The following TMEM266 variants were observed in gnomAD, a reference collection of about 807,000 sequenced individuals.
The protein encoded by TMEM266 is Hv1 related protein 1.
Under a neutral mutation model 50.5 loss-of-function variants are expected in TMEM266, and 33 were observed. The ratio of observed to expected loss-of-function variants is 0.65; its 90% CI spans 0.50 to 0.87. The LOEUF (loss-of-function observed/expected upper bound fraction) is 0.87, where lower values mean the gene tolerates loss of function less well. Ranked by LOEUF, TMEM266 falls within the 40% of genes least tolerant of loss-of-function variation. TMEM266 has a pLI of 0.00. For synonymous variants in TMEM266, 310 were observed against 292.3 expected (o/e 1.06, Z -0.62); for missense variants, 655 against 695.1 (o/e 0.94, Z 0.65).
At chr15:76,145,995 A>C (rs1178547791) in intron 3 of TMEM266, among the ~76,000 whole-genome samples, 1 of 152,256 alleles carries the variant, frequency 6.6e-6, no homozygotes, top group African/African-American at 2.4e-5. Flanking sequence ...TCAGTGAGCC[A>C]ATCATCTATC....
rs371561578 is a variant in TMEM266 at position 76,204,029 on chromosome 15, A to C, written c.1310A>C (p.Glu437Ala). The stretch of plus-strand genomic sequence containing the variant: ...CTGCCATCCCAGCAGCAGGTGGAGG[A>C]GGCCACAGTCCAGGACCTGCTGTCC... The change falls in exon 11 of 11, where the codon GAG (glutamate) becomes GCG (alanine). Residue 437 changes from glutamate (E) to alanine (A), a missense_variant. Physicochemically the swap from Glu to Ala is moderately radical, Grantham distance 107. Around this residue, in one of 3 missense-constraint regions of TMEM266, gnomAD observed 455 missense variants for 401.8 expected, o/e 1.13. Coordinates refer to ENST00000388942, the MANE Select transcript of TMEM266 (RefSeq NM_152335.3). 157 of 1,609,820 alleles carry C rather than the reference A, an allele frequency of 9.8e-5. No homozygotes were observed. The highest frequency in any genetic ancestry group is 1.3e-4 in the Non-Finnish European group (150 of 1,177,142).
chr15:76,121,475 G>A (rs900735300), intron 1 of TMEM266, among the ~76,000 whole-genome samples: 1 of 151,942 alleles, frequency 6.6e-6, no homozygotes, highest in Admixed American at 6.6e-5. Flanking sequence ...GGAGTGCAGT[G>A]GTACGATATC....
intron 5 of TMEM266, among the ~76,000 whole-genome samples, chr15:76,169,161 T>C (rs1333345709): frequency 1.3e-5 from 2 of 152,184 alleles, no homozygotes; most frequent in East Asian, 3.9e-4. Flanking sequence ...AGGAGCCTAA[T>C]TCATTTAAGG....
intron 10 of TMEM266, among the ~76,000 whole-genome samples, chr15:76,203,306 G>A (rs538854999): frequency 6.6e-6 from 1 of 152,124 alleles, no homozygotes; most frequent in Non-Finnish European, 1.5e-5. Context: ...CCTGCATCTC[G>A]ATGGTTTAAA....
intron 1 of TMEM266, among the ~76,000 whole-genome samples, chr15:76,082,177 G>A (rs1294149899): frequency 6.6e-6 from 1 of 152,168 alleles, no homozygotes; most frequent in Non-Finnish European, 1.5e-5. Flanking sequence ...TCCTTTAGGT[G>A]TCAAATTTCT....
chr15:76,127,709 G>T (rs753829483), intron 1 of TMEM266, among the ~76,000 whole-genome samples: 5 of 152,060 alleles, frequency 3.3e-5, no homozygotes, highest in Non-Finnish European at 7.4e-5. Context: ...CCTATCTCTG[G>T]TTCTTCAGCT....
chr15:76,062,009 C>G (rs1215031779), intron 1 of TMEM266, among the ~76,000 whole-genome samples: 1 of 151,910 alleles, frequency 6.6e-6, no homozygotes, highest in Non-Finnish European at 1.5e-5. Flanking sequence ...CTGCATTCAG[C>G]TATGGATGTG....
At chr15:76,083,568 A>G (rs2036728221) in intron 1 of TMEM266, among the ~76,000 whole-genome samples, 1 of 152,018 alleles carries the variant, frequency 6.6e-6, no homozygotes, top group Admixed American at 6.6e-5. Flanking sequence ...TTCAAACATT[A>G]TTTCTTCAAA....
At chr15:76,071,351 A>G (rs926654775) in intron 1 of TMEM266, among the ~76,000 whole-genome samples, 1 of 152,200 alleles carries the variant, frequency 6.6e-6, no homozygotes, top group East Asian at 1.9e-4. Context: ...CAGACTGGTG[A>G]ACTGTTCTGG....
At chr15:76,124,669 C>T (rs2955770) in intron 1 of TMEM266, among the ~76,000 whole-genome samples, 3,459 of 152,110 alleles carry the variant, frequency 0.023, 111 homozygotes, top group African/African-American at 0.075. Flanking sequence ...CATAATAGTG[C>T]GTGCCTGTTG....
intron 8 of TMEM266, among the ~76,000 whole-genome samples, chr15:76,183,864 C>T (rs191470541): frequency 9.2e-5 from 14 of 152,328 alleles, no homozygotes; most frequent in Admixed American, 1.3e-4. Flanking sequence ...TCACGCCCCC[C>T]CTCCATCCCC....
chr15:76,061,589 T>C (rs1464466760), intron 1 of TMEM266, among the ~76,000 whole-genome samples: 1 of 152,196 alleles, frequency 6.6e-6, no homozygotes, highest in Non-Finnish European at 1.5e-5. Flanking sequence ...TGCACCAACT[T>C]TGTGGCTTTC....
chr15:76,098,394 G>T (rs1362548562), intron 1 of TMEM266, among the ~76,000 whole-genome samples: 4 of 152,046 alleles, frequency 2.6e-5, no homozygotes, highest in Non-Finnish European at 5.9e-5. Context: ...TGTTTGCCTG[G>T]GCATCACCAG....
At chr15:76,148,626 T>C (rs553046521) in intron 3 of TMEM266, among the ~76,000 whole-genome samples, 2 of 152,284 alleles carry the variant, frequency 1.3e-5, no homozygotes, top group Non-Finnish European at 2.9e-5. Flanking sequence ...GTGGTCAGTG[T>C]CCTTTGTCCC....
chr15:76,164,555 T>C (rs1317298782), intron 5 of TMEM266, among the ~76,000 whole-genome samples: 1 of 150,944 alleles, frequency 6.6e-6, no homozygotes, highest in Non-Finnish European at 1.5e-5. Flanking sequence ...CAGTGTCAGC[T>C]ACCACACAGA....
chr15:76,128,764 T>G (rs1342857054), intron 1 of TMEM266, among the ~76,000 whole-genome samples: 2 of 152,228 alleles, frequency 1.3e-5, no homozygotes, highest in African/African-American at 4.8e-5. Flanking sequence ...AAATATGATT[T>G]TACCATCTTT....
rs758000358 is a variant in TMEM266 at position 76,203,797 on chromosome 15, C to T, written c.1078C>T (p.His360Tyr). 6.2e-7 allele frequency: 1 copy of T among 1,614,222 alleles called. No individual in the cohort carries two copies. The highest frequency in any genetic ancestry group is 8.5e-7 in the Non-Finnish European group (1 of 1,180,034). Reference sequence around the variant, plus strand: ...GGTCACCACGGCCGCAATAGACATTCACCAGCCCAACATCTCCTCGGACCT... The same window carrying T: ...GGTCACCACGGCCGCAATAGACATTTACCAGCCCAACATCTCCTCGGACCT... The change falls in exon 11 of 11, where the codon CAC becomes TAC. Residue 360 changes from histidine (H) to tyrosine (Y), a missense_variant. This residue lies in a region of TMEM266 where 455 missense variants were observed against 401.8 expected (regional missense o/e 1.13). Transcript: ENST00000388942.
Position 76,170,024 on chromosome 15 carries a change from G to A in TMEM266, c.513+152G>A, listed in dbSNP as rs1390850879. The A allele has an allele frequency of 1.9e-5, 14 of 727,396 alleles. No individual in the cohort carries two copies. The Admixed American group carries it at 3.4e-4, about 18-fold the overall frequency. 45.1% of individuals were successfully genotyped at this position (727,396 alleles called of 1,614,324 possible). A position where few individuals can be genotyped will look rare whatever the true frequency, so the allele number is the denominator to read the frequency against. On this transcript the variant is annotated intron_variant, in intron 6 of 10. Transcript: ENST00000388942. ...TGGCTGTGCATGTTGGGTGGGGCAG[G>A]GAGGGGGAACTGAGACTGTTTCCAG...
chr15:76,200,001 C>T (rs79390188), intron 9 of TMEM266, among the ~76,000 whole-genome samples: 3,170 of 152,262 alleles, frequency 0.021, 106 homozygotes, highest in African/African-American at 0.073. Context: ...AAGCCTCACA[C>T]ATAGTAGGCC....
Sources: allele counts gnomAD v4.1 joint callset (sites outside exome capture counted in the v4.1 genomes callset), GRCh38; gene constraint gnomAD v4.1.1; regional missense constraint gnomAD v4.1.1; transcripts MANE v1.5; gene names NCBI Gene and HGNC (gene_info 2026-07-23, HGNC 2026-07-21).